Variants in PCDH15 observed in about 807,000 individuals in gnomAD.
PCDH15 encodes protocadherin-15.
A neutral mutation model predicts 178.5 loss-of-function variants in PCDH15; 129 were observed. The observed-to-expected ratio is 0.72, with a 90% CI of 0.63 to 0.84. The LOEUF is 0.84. Among genes scored for constraint, PCDH15 ranks in the 40% least tolerant of loss-of-function variants. The probability of loss-of-function intolerance (pLI) is 0.00; values close to 1 mark genes in which losing one functional copy is unlikely to be tolerated. For synonymous variants in PCDH15, 800 were observed against 732.0 expected, an observed-to-expected ratio of 1.09 and a Z score of -1.50; for missense variants, 2,230 against 2,099.9, an observed-to-expected ratio of 1.06 and a Z score of -1.21.
intron 1 of PCDH15, among the ~76,000 whole-genome samples, chr10:54,741,358 C>T (rs1292372556): frequency 6.6e-6 from 1 of 151,668 alleles, no homozygotes; most frequent in East Asian, 1.9e-4. Context: ...GTTGTGTATT[C>T]CTCTCAATGC....
intron 2 of PCDH15, among the ~76,000 whole-genome samples, chr10:55,508,535 T>A (rs559828227): frequency 2.6e-4 from 39 of 151,854 alleles, no homozygotes; most frequent in South Asian, 2.1e-3. Flanking sequence ...CAATTAGACA[T>A]AGAATGTATA....
rs948696439 is a variant in PCDH15, at chr10:53,990,430, A to G, written c.2868+5219T>C. On this transcript the variant is annotated intron_variant, in intron 21 of 37. Transcript: ENST00000644397. ...AATTGCAAGAATTTTTATGGAGCATATTTATTTCATAAATCAGTATTAAAG... is the reference window on the plus strand; with the variant it reads ...AATTGCAAGAATTTTTATGGAGCATGTTTATTTCATAAATCAGTATTAAAG... Among the ~76,000 whole-genome samples, 6 of 151,228 alleles carry G rather than the reference A, an allele frequency of 4.0e-5. 1 individual carries two copies. The South Asian group carries it at 8.3e-4, about 21-fold the overall frequency.
At position 54,023,178 on chromosome 10, in the gene PCDH15, C is replaced by G; in HGVS notation, c.2240G>C (p.Gly747Ala). ...GQVKATDPDA[G>A]INGQVHYSLG... ...ACTGTAGTGCACTTGACCATTTATT[C>G]CAGCATCAGGGTCTGTTGCCTATTA... Residue 747 changes from glycine to alanine, a missense_variant, in exon 19 of 38, where the codon GGA becomes GCA. Coordinates refer to ENST00000644397, the MANE Select transcript of PCDH15 (RefSeq NM_001384140.1). 1 of 1,613,502 alleles carries G rather than the reference C, an allele frequency of 6.2e-7. No homozygotes were observed. The highest frequency in any genetic ancestry group is 8.5e-7 in the Non-Finnish European group (1 of 1,179,836).
chr10:54,841,334 TA>T (rs1397894054), intron 3 of PCDH15, among the ~76,000 whole-genome samples: 4 of 151,192 alleles, frequency 2.6e-5, no homozygotes, highest in African/African-American at 7.3e-5. Context: ...AAAGAAGAAA[TA>T]AAGAGAGAAA....
intron 3 of PCDH15, among the ~76,000 whole-genome samples, chr10:54,418,902 G>T (rs962995911): frequency 6.6e-6 from 1 of 151,996 alleles, no homozygotes. Context: ...GTTGATGTCC[G>T]TAGAGAATTT....
chr10:54,135,312 T>C (rs1181040343), intron 14 of PCDH15, among the ~76,000 whole-genome samples: 1 of 152,260 alleles, frequency 6.6e-6, no homozygotes. Context: ...CTGTATTCAT[T>C]TCTGCCTCTG....
At position 54,964,334 on chromosome 10, in the gene PCDH15, G is replaced by T. The variant is rs7085078; in HGVS notation, c.-79-66834C>A. Among the ~76,000 whole-genome samples the T allele has an allele frequency of 5.1e-3, 784 of 152,276 alleles. 5 individuals carry two copies. Among genetic ancestry groups the T allele is most frequent in the African/African-American group, 0.018 (751 of 41,554 alleles). ...GAAGAACTGGCAAATATTTTGGAATGTAAGTACATTTTTGACCCTAAGTCC... is the reference window on the plus strand; with the variant it reads ...GAAGAACTGGCAAATATTTTGGAATTTAAGTACATTTTTGACCCTAAGTCC... On this transcript the variant is annotated intron_variant, in intron 2 of 5. Coordinates refer to the PCDH15 transcript ENST00000458638.
chr10:55,162,241 T>A (rs1460914009), intron 2 of PCDH15, among the ~76,000 whole-genome samples: 1 of 152,206 alleles, frequency 6.6e-6, no homozygotes, highest in Non-Finnish European at 1.5e-5. Context: ...GTTCTTAAAT[T>A]ACTTTCTTTA....
chr10:54,202,532 GC>G (rs2050341117), intron 10 of PCDH15, among the ~76,000 whole-genome samples: 1 of 152,036 alleles, frequency 6.6e-6, no homozygotes, highest in Non-Finnish European at 1.5e-5. Context: ...GATTCCCTGG[GC>G]CAGGCGCAGT....
intron 2 of PCDH15, among the ~76,000 whole-genome samples, chr10:55,624,262 A>G (rs545781701): frequency 6.6e-6 from 1 of 151,996 alleles, no homozygotes; most frequent in African/African-American, 2.4e-5. Context: ...CCAAATTCTT[A>G]GTGTAACACC....
intron 2 of PCDH15, among the ~76,000 whole-genome samples, chr10:55,405,007 G>T (rs1838162418): frequency 6.6e-6 from 1 of 151,426 alleles, no homozygotes; most frequent in South Asian, 2.1e-4. Flanking sequence ...TAATTGAACA[G>T]AAATGTTCAG....
chr10:54,007,376 T>C (rs867911789), intron 20 of PCDH15, among the ~76,000 whole-genome samples: 13 of 152,014 alleles, frequency 8.6e-5, no homozygotes, highest in African/African-American at 2.9e-4. Flanking sequence ...ACAAGTAAAA[T>C]ACACAAGAAA....
chr10:55,580,032 T>A (rs1842576936), intron 2 of PCDH15, among the ~76,000 whole-genome samples: 1 of 152,008 alleles, frequency 6.6e-6, no homozygotes, highest in South Asian at 2.1e-4. Context: ...AACTTTTGTA[T>A]TTTTAGTAGA....
intron 10 of PCDH15, among the ~76,000 whole-genome samples, chr10:54,196,843 A>C (rs1307759591): frequency 1.3e-5 from 2 of 152,196 alleles, no homozygotes; most frequent in Admixed American, 6.5e-5. Flanking sequence ...ACAAGTAAGA[A>C]GGTGGAACCA....
At chr10:54,137,967 T>A (rs966330899) in intron 14 of PCDH15, among the ~76,000 whole-genome samples, 3 of 152,092 alleles carry the variant, frequency 2.0e-5, no homozygotes, top group Non-Finnish European at 4.4e-5. Context: ...GTTTTGGTTT[T>A]TTTCTGGCCC....
At chr10:55,436,405 T>A (rs1333432091) in intron 2 of PCDH15, among the ~76,000 whole-genome samples, 9 of 152,170 alleles carry the variant, frequency 5.9e-5, no homozygotes. Context: ...ATTTCAATGC[T>A]GTATTATAAA....
intron 1 of PCDH15, among the ~76,000 whole-genome samples, chr10:55,288,246 A>G (rs1842922520): frequency 6.6e-6 from 1 of 150,952 alleles, no homozygotes; most frequent in Non-Finnish European, 1.5e-5. Flanking sequence ...ATGCTTTAAA[A>G]TTTGTTTATC....
At chr10:55,491,162 T>C (rs2132128175) in intron 2 of PCDH15, among the ~76,000 whole-genome samples, 2 of 151,880 alleles carry the variant, frequency 1.3e-5, no homozygotes, top group Middle Eastern at 6.8e-3. Context: ...AGTTCTACCC[T>C]GTGTATTCTA....
chr10:54,487,129 A>G (rs2079168120), intron 3 of PCDH15, among the ~76,000 whole-genome samples: 1 of 152,084 alleles, frequency 6.6e-6, no homozygotes, highest in African/African-American at 2.4e-5. Flanking sequence ...AGTATTTTAA[A>G]AGGATATATG....
Sources: allele counts gnomAD v4.1 joint callset (sites outside exome capture counted in the v4.1 genomes callset), GRCh38; gene constraint gnomAD v4.1.1; transcripts MANE v1.5; gene names NCBI Gene and HGNC (gene_info 2026-07-23, HGNC 2026-07-21).